PDE7B: variants seen among roughly 807,000 people sequenced by gnomAD.
The protein encoded by PDE7B is phosphodiesterase 7B.
Under a neutral mutation model 56.2 loss-of-function variants are expected in PDE7B, and 29 were observed. The observed-to-expected ratio is 0.52, with a 90% CI of 0.38 to 0.70. PDE7B has a LOEUF of 0.70. PDE7B is among the 30% of genes least tolerant of loss of function. PDE7B has a pLI of 0.00. For missense variants in PDE7B, 490 were observed against 565.0 expected (o/e 0.87, Z 1.35); for synonymous variants, 197 against 196.9 (o/e 1.00, Z 0.00).
intron 2 of PDE7B, among the ~76,000 whole-genome samples, chr6:136,002,021 C>G (rs1023148883): frequency 3.3e-5 from 5 of 152,120 alleles, no homozygotes; most frequent in Admixed American, 6.5e-5. Context: ...ACTCTATAAG[C>G]CAGAAGAGAG....
At chr6:136,115,639 T>C (rs1232133101) in intron 3 of PDE7B, among the ~76,000 whole-genome samples, 1 of 152,254 alleles carries the variant, frequency 6.6e-6, no homozygotes, top group Admixed American at 6.5e-5. Context: ...ATTTAATGGA[T>C]TACTTTTTAT....
intron 2 of PDE7B, among the ~76,000 whole-genome samples, chr6:136,093,397 T>A (rs1436734071): frequency 6.6e-6 from 1 of 152,228 alleles, no homozygotes; most frequent in Non-Finnish European, 1.5e-5. Flanking sequence ...AGGTCTTTCT[T>A]CCAAGGATGT....
At chr6:136,027,741 C>A (rs1776178985) in intron 2 of PDE7B, among the ~76,000 whole-genome samples, 1 of 152,142 alleles carries the variant, frequency 6.6e-6, no homozygotes, top group African/African-American at 2.4e-5. Context: ...CCTGCCTCAG[C>A]CTCCTGAGTA....
intron 2 of PDE7B, among the ~76,000 whole-genome samples, chr6:136,088,612 C>T (rs550433926): frequency 2.4e-4 from 37 of 152,114 alleles, no homozygotes; most frequent in Admixed American, 5.2e-4. Context: ...TGTCCAGAAA[C>T]GGGAAATCTG....
intron 1 of PDE7B, among the ~76,000 whole-genome samples, chr6:135,883,338 TTA>T (rs1330605164): frequency 2.0e-5 from 3 of 152,188 alleles, no homozygotes; most frequent in Non-Finnish European, 4.4e-5. Context: ...TCACATTTGC[TTA>T]TGTTTTCTGC....
At chr6:136,081,958 A>G (rs943170263) in intron 2 of PDE7B, among the ~76,000 whole-genome samples, 1 of 152,204 alleles carries the variant, frequency 6.6e-6, no homozygotes, top group Non-Finnish European at 1.5e-5. Context: ...CAGCTTCCTG[A>G]GCCCTGTCCC....
chr6:135,940,304 G>C (rs2128198494), intron 1 of PDE7B, among the ~76,000 whole-genome samples: 1 of 152,302 alleles, frequency 6.6e-6, no homozygotes, highest in South Asian at 2.1e-4. Flanking sequence ...AGTAACCCCA[G>C]TCAGGGGTGG....
intron 2 of PDE7B, among the ~76,000 whole-genome samples, chr6:135,986,836 T>C (rs1775384287): frequency 1.3e-5 from 2 of 152,228 alleles, no homozygotes; most frequent in Admixed American, 1.3e-4. Context: ...ATGAAATGGA[T>C]CACAATGTTT....
chr6:136,038,053 G>T, intron 2 of PDE7B: 1 of 1,336,166 alleles, frequency 7.5e-7, no homozygotes, highest in Non-Finnish European at 9.9e-7. Flanking sequence ...AATCGCTCTC[G>T]TCGGCAGTGT....
intron 1 of PDE7B, among the ~76,000 whole-genome samples, chr6:135,929,733 C>T (rs145094234): frequency 1.6e-4 from 24 of 152,256 alleles, no homozygotes; most frequent in Admixed American, 3.3e-4. Flanking sequence ...GTGATTGATG[C>T]CTCAACAGAT....
At chr6:136,044,853 G>A (rs1776474313) in intron 2 of PDE7B, 1 of 152,042 alleles carries the variant, frequency 6.6e-6, no homozygotes. Context: ...GAGCTTTTGA[G>A]GGGCTGGCTC....
chr6:135,866,859 C>A (rs910612447), intron 1 of PDE7B, among the ~76,000 whole-genome samples: 2 of 152,154 alleles, frequency 1.3e-5, no homozygotes, highest in Non-Finnish European at 2.9e-5. Flanking sequence ...TAGATGATTG[C>A]AAATAATATA....
At position 135,983,173 on chromosome 6, in the gene PDE7B, C is replaced by T. The variant is rs142889809; in HGVS notation, c.82+35649C>T. The stretch of plus-strand genomic sequence containing the variant: ...AGGTAGACAAAAAATTTAAGACACA[C>T]ACAGTGCTACCCAATTGTGCTTTGG... On this transcript the variant is annotated intron_variant, in intron 2 of 12. Coordinates refer to ENST00000308191, the MANE Select transcript of PDE7B (RefSeq NM_018945.4). Among the ~76,000 whole-genome samples, 243 of 152,198 alleles carry T rather than the reference C, an allele frequency of 1.6e-3. 1 individual carries two copies. In the East Asian group the frequency reaches 0.028, roughly 17 times the overall value.
chr6:135,924,617 C>CTCTTTTTTT, intron 1 of PDE7B, among the ~76,000 whole-genome samples: 1 of 49,582 alleles, frequency 2.0e-5, no homozygotes, highest in Non-Finnish European at 3.4e-5. Context: ...CTCTCTCTCT[C>CTCTTTTTTT]TTTTTTTTTT....
chr6:136,016,426 A>G (rs1775978318), intron 2 of PDE7B, among the ~76,000 whole-genome samples: 1 of 152,232 alleles, frequency 6.6e-6, no homozygotes, highest in South Asian at 2.1e-4. Flanking sequence ...TAATGTTTAT[A>G]TGAGTGCTAA....
chr6:135,857,197 G>C (rs1033631222), intron 1 of PDE7B, among the ~76,000 whole-genome samples: 1 of 151,962 alleles, frequency 6.6e-6, no homozygotes, highest in African/African-American at 2.4e-5. Flanking sequence ...GTAAAGTTTG[G>C]AGTAATACTT....
intron 3 of PDE7B, among the ~76,000 whole-genome samples, chr6:136,124,933 G>A (rs1407533231): frequency 6.6e-6 from 1 of 151,974 alleles, no homozygotes; most frequent in Non-Finnish European, 1.5e-5. Flanking sequence ...ATGTGGAATG[G>A]GTGTGATATT....
intron 3 of PDE7B, among the ~76,000 whole-genome samples, chr6:136,132,658 C>A (rs1178363871): frequency 6.6e-6 from 1 of 152,154 alleles, no homozygotes; most frequent in East Asian, 1.9e-4. Context: ...AAACCCTAGC[C>A]TCGTATGGAT....
At chr6:136,069,423 C>T (rs1375989055) in intron 2 of PDE7B, among the ~76,000 whole-genome samples, 2 of 152,196 alleles carry the variant, frequency 1.3e-5, no homozygotes, top group African/African-American at 2.4e-5. Context: ...GTAGTGAATG[C>T]ATCCTCCATC....
Sources: allele counts gnomAD v4.1 joint callset (sites outside exome capture counted in the v4.1 genomes callset), GRCh38; gene constraint gnomAD v4.1.1; transcripts MANE v1.5; gene names NCBI Gene and HGNC (gene_info 2026-07-23, HGNC 2026-07-21).